Variants in KIF1A observed in about 807,000 individuals in gnomAD.
KIF1A encodes the protein kinesin-like protein KIF1A.
A neutral mutation model predicts 227.3 loss-of-function variants in KIF1A; 46 were observed. The observed-to-expected ratio is 0.20, with a 90% CI of 0.16 to 0.26. The LOEUF is 0.26. KIF1A is among the 10% of genes least tolerant of loss of function. The pLI is 1.00. For synonymous variants in KIF1A, 1,022 were observed against 1,012.8 expected (o/e 1.01, Z -0.17); for missense variants, 1,683 against 2,485.9 (o/e 0.68, Z 6.87).
chr2:240,763,942 G>A (rs897226662), intron 20 of KIF1A, among the ~76,000 whole-genome samples: 1 of 152,142 alleles, frequency 6.6e-6, no homozygotes, highest in African/African-American at 2.4e-5. Context: ...CGAGGCATGG[G>A]CATCAGTCCA....
At chr2:240,761,438 C>G (rs2050517667) in intron 23 of KIF1A, 61 bp from the exon 24 acceptor site, 2 of 1,466,852 alleles carry the variant, frequency 1.4e-6, no homozygotes, top group African/African-American at 2.8e-5. Flanking sequence ...CACCATGCCC[C>G]GCCCTCTGGA....
intron 38 of KIF1A, among the ~76,000 whole-genome samples, chr2:240,727,704 C>T (rs2046190764): frequency 6.6e-6 from 1 of 152,212 alleles, no homozygotes; most frequent in Non-Finnish European, 1.5e-5. Context: ...ACCCACAAAC[C>T]CTGTCCCAGG....
chr2:240,807,487 A>G (rs569058098), intron 1 of KIF1A, among the ~76,000 whole-genome samples: 20 of 152,306 alleles, frequency 1.3e-4, no homozygotes, highest in African/African-American at 4.6e-4. Flanking sequence ...TATAATACCT[A>G]ATACAATGTG....
chr2:240,743,149 G>T (rs2048190993), intron 33 of KIF1A, among the ~76,000 whole-genome samples, 165 bp from the exon 34 acceptor site: 1 of 152,070 alleles, frequency 6.6e-6, no homozygotes, highest in Non-Finnish European at 1.5e-5. Context: ...GGGACCCTTG[G>T]GACCCCAGCT....
chr2:240,717,732 A>T (rs1575509901), intron 48 of KIF1A, among the ~76,000 whole-genome samples: 1 of 152,160 alleles, frequency 6.6e-6, no homozygotes, highest in Admixed American at 6.5e-5. Context: ...GGGATTTATC[A>T]CTCCACAAGA....
rs1356761704 is a variant in KIF1A, at chr2:240,786,760, G to GA, written c.430-248_430-247insT. Among the ~76,000 whole-genome samples the GA allele has an allele frequency of 1.8e-4, 21 of 114,038 alleles. 1 individual carries two copies. Among genetic ancestry groups the GA allele is most frequent in the African/African-American group, 7.1e-4 (18 of 25,516 alleles). 74.8% of individuals were successfully genotyped at this position (114,038 alleles called of 152,430 possible). A position where few individuals can be genotyped will look rare whatever the true frequency, so the allele number is the denominator to read the frequency against. ...GCCTGCTGGGCCCCTGAGTGAGAGG[G>GA]TAGGGGCCACCATCAGGACCCCTGA... is the stretch of plus-strand genomic sequence containing the variant. On this transcript the variant is annotated intron_variant, in intron 5 of 48. Transcript: ENST00000498729.
At chr2:240,724,566 C>A (rs2045769322) in intron 40 of KIF1A, 2 of 174,908 alleles carry the variant, frequency 1.1e-5, no homozygotes, top group South Asian at 1.4e-4. Context: ...CCAGCTGTGC[C>A]CAGTGTGAAC....
At chr2:240,765,647 G>T in intron 20 of KIF1A, 63 bp downstream of exon 20, 1 of 1,332,508 alleles carries the variant, frequency 7.5e-7, no homozygotes, top group Non-Finnish European at 1.1e-6. Context: ...CTTGGACATG[G>T]GAACAGAGGC....
chr2:240,810,187 C>T (rs189466591), intron 1 of KIF1A, among the ~76,000 whole-genome samples: 9 of 152,152 alleles, frequency 5.9e-5, no homozygotes, highest in Admixed American at 2.6e-4. Flanking sequence ...AAAACGGTGA[C>T]GAGAACCCCA....
Position 240,715,743 on chromosome 2 carries a change from C to G in KIF1A, c.*1621G>C, listed in dbSNP as rs1393093931. ...GGGTCTCTGAGGCTCATGTCAGCAT[C>G]ACGTGGGACAGCCTGGGAGGGTAGG... is the stretch of plus-strand genomic sequence containing the variant. On this transcript the variant is annotated 3_prime_UTR_variant, in exon 49 of 49. Transcript: ENST00000498729. 1.6e-4 allele frequency: 25 copies of G among 152,362 alleles called. No individual in the cohort carries two copies. Among genetic ancestry groups the G allele is most frequent in the Admixed American group, 1.6e-3 (25 of 15,280 alleles). The allele number at this position is 152,362 out of a possible 1,614,324, so 9.4% of individuals were successfully genotyped here.
chr2:240,820,868 C>T (rs1225256115), upstream of KIF1A, among the ~76,000 whole-genome samples: 2 of 152,226 alleles, frequency 1.3e-5, no homozygotes, highest in African/African-American at 4.8e-5. The surrounding 1 kb of genome is among the most constrained non-coding windows in gnomAD (Gnocchi z 6.2). Context: ...TCGTGGGGAC[C>T]CCCCGCCCTC....
At chr2:240,728,100 C>T (rs918457571) in intron 38 of KIF1A, among the ~76,000 whole-genome samples, 10 of 152,204 alleles carry the variant, frequency 6.6e-5, no homozygotes, top group Non-Finnish European at 1.3e-4. Context: ...GCGGCCGGGC[C>T]CCTCCCGAGA....
chr2:240,735,022 C>T (rs1056501681), intron 38 of KIF1A, among the ~76,000 whole-genome samples: 5 of 152,152 alleles, frequency 3.3e-5, no homozygotes, highest in South Asian at 2.1e-4. Flanking sequence ...GGGCTGAGGA[C>T]GCCAGCACCG....
intron 44 of KIF1A, 53 bp from the exon 45 acceptor site, chr2:240,721,091 T>C: frequency 6.2e-7 from 1 of 1,601,110 alleles, no homozygotes; most frequent in Non-Finnish European, 8.5e-7. Flanking sequence ...GTCTCCGGCC[T>C]CTGTGGGAGC....
In KIF1A at chr2:240,752,437, C is replaced by T. The variant is rs1480002517; in HGVS notation, c.2859-1890G>A. Among the ~76,000 whole-genome samples the T allele has an allele frequency of 6.6e-6, 1 of 152,066 alleles. No homozygotes were observed. The highest frequency in any genetic ancestry group is 2.4e-5 in the African/African-American group (1 of 41,400). ...CACCAGCATCCCCTTGGGAGGGGGA[C>T]GGCAATGCCTTCCCTCCCCAGGGCA... On this transcript the variant is annotated intron_variant, in intron 27 of 48. Transcript: ENST00000498729. The surrounding 1 kb of genome is among the most constrained non-coding windows in gnomAD (Gnocchi z 6.4).
rs1553624399 is a variant in KIF1A at position 240,719,766 on chromosome 2, C to T, written c.5021+8G>A. ...GGTGGCGGTGCTTTCCAGGGAGGCC[C>T]CACACACCTGACTCGGATCTCCTGG... On this transcript the variant is annotated splice_region_variant and intron_variant, in intron 46 of 48. Transcript: ENST00000498729. The T allele has an allele frequency of 2.6e-6, 4 of 1,559,096 alleles. No homozygotes were observed. The South Asian group carries it at 3.6e-5, about 14-fold the overall frequency.
At chr2:240,743,416 G>A (rs564729208) in intron 33 of KIF1A, among the ~76,000 whole-genome samples, 5 of 152,308 alleles carry the variant, frequency 3.3e-5, no homozygotes, top group East Asian at 3.9e-4. Context: ...AGGAGGGGTC[G>A]GCTTGGCCCA....
intron 2 of KIF1A, among the ~76,000 whole-genome samples, chr2:240,796,855 C>G (rs1189645545): frequency 6.6e-6 from 1 of 152,002 alleles, no homozygotes; most frequent in Non-Finnish European, 1.5e-5. Context: ...GGAGACTAAA[C>G]CTAGGGAGGA....
intron 1 of KIF1A, among the ~76,000 whole-genome samples, chr2:240,818,146 G>A (rs1166585975): frequency 6.6e-6 from 1 of 152,130 alleles, no homozygotes; most frequent in Non-Finnish European, 1.5e-5. Flanking sequence ...CCCTGGGCCC[G>A]GCCCGGGACC....
Sources: allele counts gnomAD v4.1 joint callset (sites outside exome capture counted in the v4.1 genomes callset), GRCh38; gene constraint gnomAD v4.1.1; non-coding constraint Gnocchi (gnomAD v3.1); transcripts MANE v1.5; gene names NCBI Gene and HGNC (gene_info 2026-07-23, HGNC 2026-07-21).